The following EIF4G3 variants were observed in gnomAD, a reference collection of about 807,000 sequenced individuals.
EIF4G3 encodes the protein eukaryotic translation initiation factor 4 gamma 3.
A neutral mutation model predicts 186.4 loss-of-function variants in EIF4G3; 34 were observed. The ratio of observed to expected loss-of-function variants is 0.18; its 90% CI spans 0.14 to 0.24. The LOEUF (loss-of-function observed/expected upper bound fraction) is 0.24, where lower values mean the gene tolerates loss of function less well. Among genes scored for constraint, EIF4G3 ranks in the 10% least tolerant of loss-of-function variants. The pLI is 1.00. For missense variants in EIF4G3, 1,536 were observed against 1,948.5 expected, an observed-to-expected ratio of 0.79 and a Z score of 3.99; for synonymous variants, 673 against 679.5, an observed-to-expected ratio of 0.99 and a Z score of 0.15.
chr1:20,881,567 G>C (rs886867745), intron 19 of EIF4G3, among the ~76,000 whole-genome samples: 1 of 152,054 alleles, frequency 6.6e-6, no homozygotes, highest in South Asian at 2.1e-4. Flanking sequence ...TGGGTGCACT[G>C]TTTGAGCCCA....
intron 14 of EIF4G3, among the ~76,000 whole-genome samples, chr1:20,935,315 C>T (rs1166714007): frequency 6.6e-6 from 1 of 152,050 alleles, no homozygotes; most frequent in African/African-American, 2.4e-5. Flanking sequence ...AAGAATAATG[C>T]TTGAAATGCC....
chr1:20,900,578 T>C (rs913513343), intron 15 of EIF4G3, among the ~76,000 whole-genome samples: 7 of 151,942 alleles, frequency 4.6e-5, no homozygotes, highest in African/African-American at 1.7e-4. Flanking sequence ...ATCACACCTA[T>C]TTTCAGAAGG....
In EIF4G3 at chr1:20,898,761, G is replaced by A. The variant is rs936608483; in HGVS notation, c.1999+936C>T. Reference sequence around the variant, plus strand: ...CTTTCTTTTTTTGAGATGGAGTTTCGCTCTTGTTGCCCAGGCTGGAGTGCA... The same window carrying A: ...CTTTCTTTTTTTGAGATGGAGTTTCACTCTTGTTGCCCAGGCTGGAGTGCA... On this transcript the variant is annotated intron_variant, in intron 16 of 36. Transcript: ENST00000602326. Among the ~76,000 whole-genome samples the A allele has an allele frequency of 1.3e-3, 191 of 151,988 alleles. 1 individual carries two copies. The highest frequency in any genetic ancestry group is 4.4e-3 in the African/African-American group (183 of 41,458).
rs1363674757 is a variant in EIF4G3, at chr1:20,810,159, A to ATTTTTTTT, written c.4744+571_4744+578dup. 7.4e-6 allele frequency among the ~76,000 whole-genome samples: 1 copy of ATTTTTTTT among 134,338 alleles called. No individual in the cohort carries two copies. The highest frequency in any genetic ancestry group is 1.6e-5 in the Non-Finnish European group (1 of 61,386). 88.1% of individuals were successfully genotyped at this position (134,338 alleles called of 152,430 possible). On this transcript the variant is annotated intron_variant, in intron 36 of 36. Transcript: ENST00000602326. The surrounding 1 kb of genome is among the most constrained non-coding windows in gnomAD (Gnocchi z 4.1). ...ACCTAGCCAATTTTTGTATTTTTGT[A>ATTTTTTTT]TTTTTTTTTTTTTTGAGATAGAGTC...
In EIF4G3 at chr1:21,048,395, C is replaced by A. The variant is rs1457716224; in HGVS notation, c.-67+2471G>T. ...AAATATTTTAACATTTCAGCTGACA[C>A]AACATTAAGTTTTGTCAGTAGAAGG... On this transcript the variant is annotated intron_variant, in intron 4 of 36. Transcript: ENST00000602326. 2.0e-5 allele frequency among the ~76,000 whole-genome samples: 3 copies of A among 152,098 alleles called. No homozygotes were observed. The East Asian group carries it at 5.8e-4, about 29-fold the overall frequency.
At chr1:21,169,323 C>T (rs966197043) in intron 2 of EIF4G3, among the ~76,000 whole-genome samples, 1 of 152,112 alleles carries the variant, frequency 6.6e-6, no homozygotes, top group Non-Finnish European at 1.5e-5. Context: ...TAATGGCATG[C>T]ACCTGTAATC....
At chr1:21,069,782 T>C (rs1572054003) in intron 3 of EIF4G3, among the ~76,000 whole-genome samples, 1 of 151,454 alleles carries the variant, frequency 6.6e-6, no homozygotes, top group Admixed American at 6.6e-5. Flanking sequence ...GAGGAGGGGG[T>C]AGGAAAGCAG....
At chr1:20,847,950 A>G (rs1335368315) in intron 29 of EIF4G3, 4 of 417,828 alleles carry the variant, frequency 9.6e-6, no homozygotes, top group African/African-American at 8.5e-5. Flanking sequence ...TACACTGTTA[A>G]GAAAACAAGT....
intron 3 of EIF4G3, among the ~76,000 whole-genome samples, chr1:21,083,747 G>A (rs950445767): frequency 2.6e-5 from 4 of 152,132 alleles, no homozygotes; most frequent in African/African-American, 9.7e-5. Context: ...CCTGTAAACT[G>A]CATGACAGGC....
At chr1:21,103,122 T>C (rs1316024561) in intron 2 of EIF4G3, among the ~76,000 whole-genome samples, 1 of 152,222 alleles carries the variant, frequency 6.6e-6, no homozygotes, top group Non-Finnish European at 1.5e-5. Flanking sequence ...ATGCTTTTAA[T>C]ATAAGCATTG....
intron 2 of EIF4G3, among the ~76,000 whole-genome samples, chr1:21,142,170 C>T (rs1212544992): frequency 1.3e-5 from 2 of 150,104 alleles, no homozygotes; most frequent in Admixed American, 6.7e-5. Context: ...CACAGTTAGA[C>T]CTCACCTCAG....
chr1:20,880,303 CAA>C (rs2081967623), intron 19 of EIF4G3, among the ~76,000 whole-genome samples: 1 of 152,236 alleles, frequency 6.6e-6, no homozygotes, highest in East Asian at 1.9e-4. Flanking sequence ...AAGGAATCTG[CAA>C]AAAGACCAGA....
intron 30 of EIF4G3, among the ~76,000 whole-genome samples, chr1:20,833,703 C>T (rs989902638): frequency 3.3e-5 from 5 of 152,270 alleles, no homozygotes; most frequent in Admixed American, 6.5e-5. Flanking sequence ...ACAAAAACCA[C>T]ATGATTATAT....
At chr1:20,836,161 T>G (rs2066702451) in intron 30 of EIF4G3, among the ~76,000 whole-genome samples, 1 of 152,174 alleles carries the variant, frequency 6.6e-6, no homozygotes, top group African/African-American at 2.4e-5. Context: ...TTTGTATTTT[T>G]TGGTAGAGAT....
At chr1:20,876,557 A>C (rs925333951) in intron 20 of EIF4G3, among the ~76,000 whole-genome samples, 8 of 152,126 alleles carry the variant, frequency 5.3e-5, no homozygotes, top group Non-Finnish European at 8.8e-5. Context: ...AACATGAAGA[A>C]AACTATAGAT....
chr1:21,067,245 G>A (rs1429847531), intron 3 of EIF4G3, among the ~76,000 whole-genome samples: 1 of 147,152 alleles, frequency 6.8e-6, no homozygotes, highest in Non-Finnish European at 1.5e-5. Context: ...GGATTCTCCT[G>A]CCTCAGCCTC....
chr1:20,899,779 A>G lies in EIF4G3; in HGVS notation c.1917T>C (p.Ser639=), dbSNP rs1437084628. The change falls in exon 16 of 37, where the codon AGT becomes AGC. Residue 639 remains serine (S), a synonymous_variant. Transcript: ENST00000602326. Reference sequence around the variant, plus strand: ...CATCTATTCCTTCACCCTCAGAAACACTCTCAGCACCATTACGTACTGGCT... The same window carrying G: ...CATCTATTCCTTCACCCTCAGAAACGCTCTCAGCACCATTACGTACTGGCT... The part of the protein sequence containing the change: ...EAEPVRNGAE[S]VSEGEGIDAN... 1.2e-6 allele frequency: 2 copies of G among 1,613,602 alleles called. No homozygotes were observed. Among genetic ancestry groups the G allele is most frequent in the Non-Finnish European group, 1.7e-6 (2 of 1,179,878 alleles).
chr1:20,926,606 G>T (rs1186396115), intron 14 of EIF4G3, among the ~76,000 whole-genome samples: 2 of 151,130 alleles, frequency 1.3e-5, no homozygotes, highest in Non-Finnish European at 2.9e-5. Context: ...GGTCAACTCT[G>T]CAGTGAGCCA....
At chr1:20,888,399 T>C (rs9919179) in intron 18 of EIF4G3, among the ~76,000 whole-genome samples, 5,003 of 152,264 alleles carry the variant, frequency 0.033, 274 homozygotes, top group African/African-American at 0.11. Flanking sequence ...ATAACTAAGA[T>C]AAAGACACTG....
Sources: allele counts gnomAD v4.1 joint callset (sites outside exome capture counted in the v4.1 genomes callset), GRCh38; gene constraint gnomAD v4.1.1; non-coding constraint Gnocchi (gnomAD v3.1); transcripts MANE v1.5; gene names NCBI Gene and HGNC (gene_info 2026-07-23, HGNC 2026-07-21).